Variants in CCP110 observed in about 807,000 individuals in gnomAD.
CCP110 encodes the protein centriolar coiled-coil protein of 110 kDa.
In CCP110, 43 loss-of-function variants were observed where a neutral mutation model predicts 105.5. That is an observed-to-expected ratio of 0.41 (90% CI 0.32 to 0.53). The LOEUF (loss-of-function observed/expected upper bound fraction) is 0.53, where lower values mean the gene tolerates loss of function less well. CCP110 is among the 20% of genes least tolerant of loss of function. The pLI is 0.32. For missense variants in CCP110, 1,016 were observed against 1,189.1 expected, an observed-to-expected ratio of 0.85 and a Z score of 2.14; for synonymous variants, 353 against 392.1, an observed-to-expected ratio of 0.90 and a Z score of 1.18.
exon 4 of CCP110, chr16:19,537,050 G>T (rs540075055): frequency 1.9e-6 from 3 of 1,614,182 alleles, no homozygotes; most frequent in East Asian, 2.2e-5. Flanking sequence ...ATCAAATCAG[G>T]TATGTCAATC....
chr16:19,545,895 G>GT lies in CCP110; in HGVS notation c.2777+11dup. ...TGATAGGAAGAAATACATGAAGTAAGTTTTTTGTATCATGTCATGTTAGTT... is the reference window on the plus strand; with the variant it reads ...TGATAGGAAGAAATACATGAAGTAAGTTTTTTTGTATCATGTCATGTTAGTT... On this transcript the variant is annotated splice_donor_region_variant and intron_variant, in intron 11 of 14. Transcript: ENST00000381396. The GT allele has an allele frequency of 6.4e-7, 1 of 1,553,378 alleles. No homozygotes were observed.
intron 2 of CCP110, among the ~76,000 whole-genome samples, chr16:19,530,854 C>G (rs558899515): frequency 6.6e-6 from 1 of 151,354 alleles, no homozygotes; most frequent in Non-Finnish European, 1.5e-5. Context: ...TGCGTTAGGC[C>G]GAGGCAGGAG....
exon 4 of CCP110, chr16:19,536,572 T>A: frequency 1.2e-6 from 2 of 1,614,146 alleles, no homozygotes; most frequent in Non-Finnish European, 1.7e-6. Flanking sequence ...CAAATGTTCT[T>A]CTCCAAGGTG....
rs756812339 is a variant in CCP110 at position 19,548,492 on chromosome 16, T to C, written c.2901-23T>C. The stretch of plus-strand genomic sequence containing the variant: ...TTTAGACCTTAATGCCAGTGACTTA[T>C]TAATTTTTTTATATTCAATTAGAAC... On this transcript the variant is annotated intron_variant, in intron 13 of 14. Coordinates refer to ENST00000381396, the Ensembl canonical transcript of CCP110. This position sits in a 1 kb window ranked among gnomAD's most constrained non-coding sequence, Gnocchi z 4.1. The C allele has an allele frequency of 4.2e-5, 61 of 1,443,996 alleles. No homozygotes were observed. The highest frequency in any genetic ancestry group is 5.0e-5 in the Non-Finnish European group (53 of 1,063,394). The allele number at this position is 1,443,996 out of a possible 1,614,324, so 89.4% of individuals were successfully genotyped here.
chr16:19,529,454 A>G (rs1969787203), intron 2 of CCP110, among the ~76,000 whole-genome samples: 1 of 152,220 alleles, frequency 6.6e-6, no homozygotes, highest in African/African-American at 2.4e-5. Flanking sequence ...AACATACAGC[A>G]AAGTTGAAAG....
chr16:19,536,032 T>C (rs1970038988), exon 4 of CCP110: 2 of 1,613,810 alleles, frequency 1.2e-6, no homozygotes, highest in Non-Finnish European at 1.7e-6. Flanking sequence ...ATGTTCCTGC[T>C]ACATTTCCAA....
intron 6 of CCP110, among the ~76,000 whole-genome samples, 175 bp downstream of exon 6, chr16:19,542,239 C>T (rs1970313640): frequency 6.6e-6 from 1 of 152,154 alleles, no homozygotes; most frequent in Non-Finnish European, 1.5e-5. Flanking sequence ...GACTTGTGAG[C>T]AGATGTTTGT....
exon 7 of CCP110, chr16:19,542,709 C>G: frequency 6.2e-7 from 1 of 1,613,412 alleles, no homozygotes; most frequent in Admixed American, 1.7e-5. Flanking sequence ...GTGGCTTGAC[C>G]AAACTCTCAG....
intron 12 of CCP110, chr16:19,546,683 C>T: frequency 2.7e-6 from 1 of 377,176 alleles, no homozygotes; most frequent in Non-Finnish European, 4.9e-6. Context: ...GGTGTGGTGG[C>T]ACATGCCTGT....
At chr16:19,531,748 A>C (rs748302835) in intron 2 of CCP110, among the ~76,000 whole-genome samples, 1 of 152,182 alleles carries the variant, frequency 6.6e-6, no homozygotes, top group Non-Finnish European at 1.5e-5. Context: ...TGGGCAGATC[A>C]CAAAGTCAGG....
intron 3 of CCP110, among the ~76,000 whole-genome samples, chr16:19,533,601 A>G (rs1969949326): frequency 6.6e-6 from 1 of 152,220 alleles, no homozygotes; most frequent in African/African-American, 2.4e-5. Context: ...CATTCATCTC[A>G]AGCTCAATAA....
At chr16:19,538,149 C>T (rs1326818421) in intron 4 of CCP110, among the ~76,000 whole-genome samples, 1 of 151,858 alleles carries the variant, frequency 6.6e-6, no homozygotes, top group Non-Finnish European at 1.5e-5. Context: ...ACCTCCACCT[C>T]CCGGTTCAGG....
At chr16:19,546,587 C>T (rs1000682585) in intron 12 of CCP110, 113 bp downstream of exon 12, 6 of 606,910 alleles carry the variant, frequency 9.9e-6, no homozygotes, top group African/African-American at 3.7e-5. Context: ...GAGGCCAAGA[C>T]GGATGGATCA....
intron 12 of CCP110, 68 bp downstream of exon 12, chr16:19,546,542 C>A: frequency 3.5e-6 from 3 of 852,800 alleles, no homozygotes; most frequent in Non-Finnish European, 5.8e-6. Flanking sequence ...ATTGGCTGGG[C>A]ACGGTGGCTC....
At chr16:19,551,159 C>A in intron 14 of CCP110, 37 bp from the exon 14 acceptor site, 2 of 1,253,394 alleles carry the variant, frequency 1.6e-6, no homozygotes, top group Non-Finnish European at 1.2e-6. Flanking sequence ...AGAAAACCTC[C>A]CATTGAGAAG....
Position 19,546,478 on chromosome 16 carries a change from A to T in CCP110, c.2840+4A>T. 6.4e-7 allele frequency: 1 copy of T among 1,563,064 alleles called. No homozygotes were observed. The highest frequency in any genetic ancestry group is 8.8e-7 in the Non-Finnish European group (1 of 1,135,540). ...AACAAAATCCTTCTGAAACAAGGTG[A>T]GAAAAATCACTTAGTCTTAATGAGA... On this transcript the variant is annotated splice_donor_region_variant and intron_variant, in intron 12 of 14. Coordinates refer to ENST00000381396, the Ensembl canonical transcript of CCP110.
At chr16:19,537,082 T>C in exon 4 of CCP110, 1 of 1,614,158 alleles carries the variant, frequency 6.2e-7, no homozygotes, top group Non-Finnish European at 8.5e-7. Flanking sequence ...ATTTAGAAAA[T>C]AAAGTTACTC....
intron 4 of CCP110, among the ~76,000 whole-genome samples, chr16:19,537,991 T>A (rs1010500721): frequency 1.3e-5 from 2 of 152,236 alleles, no homozygotes; most frequent in Non-Finnish European, 2.9e-5. Context: ...CTCAAACTCA[T>A]GAGCTTGAGT....
exon 4 of CCP110, chr16:19,537,212 G>C: frequency 3.7e-6 from 6 of 1,614,170 alleles, no homozygotes; most frequent in Non-Finnish European, 5.1e-6. Context: ...TCAGTGTATA[G>C]CAAGTCCAAA....
Sources: gnomAD v4.1 joint callset for allele counts (sites outside exome capture counted in the v4.1 genomes callset) on GRCh38, gnomAD v4.1.1 for gene constraint, Gnocchi (gnomAD v3.1) non-coding constraint, MANE v1.5 for transcripts, NCBI Gene and HGNC (gene_info 2026-07-23, HGNC 2026-07-21) for gene names.